SPAG16: variants seen among roughly 807,000 people sequenced by gnomAD.
The protein encoded by SPAG16 is sperm-associated antigen 16 protein.
A neutral mutation model predicts 80.4 loss-of-function variants in SPAG16; 86 were observed. That is an observed-to-expected ratio of 1.07 (90% CI 0.90 to 1.28). The LOEUF is 1.28. Ranked by LOEUF, SPAG16 falls within the 50% of genes most tolerant of loss-of-function variation. The probability of loss-of-function intolerance (pLI) is 0.00; values close to 1 mark genes in which losing one functional copy is unlikely to be tolerated. For missense variants in SPAG16, 870 were observed against 765.3 expected, an observed-to-expected ratio of 1.14 and a Z score of -1.61; for synonymous variants, 294 against 265.9, an observed-to-expected ratio of 1.11 and a Z score of -1.03.
chr2:214,026,574 A>G (rs1007225313), intron 13 of SPAG16, among the ~76,000 whole-genome samples: 2 of 151,536 alleles, frequency 1.3e-5, no homozygotes, highest in African/African-American at 4.8e-5. Context: ...TATAGGTTTA[A>G]TGAAATTCCA....
At chr2:213,768,896 G>A (rs2125545393) in intron 10 of SPAG16, among the ~76,000 whole-genome samples, 1 of 152,230 alleles carries the variant, frequency 6.6e-6, no homozygotes, top group East Asian at 1.9e-4. Flanking sequence ...AAAGAGAAGG[G>A]GGTAAGTCAG....
chr2:214,390,715 G>A (rs1701028626), intron 15 of SPAG16, among the ~76,000 whole-genome samples: 1 of 152,110 alleles, frequency 6.6e-6, no homozygotes, highest in African/African-American at 2.4e-5. Flanking sequence ...TGTGGGTCAT[G>A]GTGCTAAAGT....
intron 15 of SPAG16, among the ~76,000 whole-genome samples, chr2:214,193,405 G>A (rs2057722758): frequency 7.9e-6 from 1 of 127,144 alleles, no homozygotes; most frequent in African/African-American, 2.6e-5. Flanking sequence ...ATGTGTGTGT[G>A]TGTGTGTGTG....
intron 15 of SPAG16, among the ~76,000 whole-genome samples, chr2:214,266,434 A>G (rs779274058): frequency 4.0e-5 from 6 of 151,874 alleles, no homozygotes; most frequent in Non-Finnish European, 8.8e-5. Flanking sequence ...GTGAACAGTC[A>G]ACAGAGCTCA....
chr2:214,076,366 A>G (rs764634625), intron 13 of SPAG16, among the ~76,000 whole-genome samples: 1 of 152,218 alleles, frequency 6.6e-6, no homozygotes, highest in Non-Finnish European at 1.5e-5. Flanking sequence ...ATTCATCCAG[A>G]AAGATCAGCA....
At chr2:214,069,703 T>G (rs182482924) in intron 13 of SPAG16, among the ~76,000 whole-genome samples, 116 of 150,964 alleles carry the variant, frequency 7.7e-4, no homozygotes, top group Middle Eastern at 3.4e-3. Context: ...TTCTGTCACC[T>G]TTTTTTTTGT....
At chr2:214,135,278 G>C (rs2054988430) in intron 14 of SPAG16, among the ~76,000 whole-genome samples, 1 of 152,146 alleles carries the variant, frequency 6.6e-6, no homozygotes, top group African/African-American at 2.4e-5. Flanking sequence ...GTAGAGTTCA[G>C]TAAATATTAG....
intron 9 of SPAG16, among the ~76,000 whole-genome samples, chr2:213,458,165 T>A (rs1181532563): frequency 1.3e-5 from 2 of 152,180 alleles, no homozygotes; most frequent in Non-Finnish European, 2.9e-5. Context: ...ACACAATTAA[T>A]TTTCTTTTAG....
chr2:214,355,207 A>T (rs1435969114), intron 15 of SPAG16, among the ~76,000 whole-genome samples: 1 of 148,858 alleles, frequency 6.7e-6, no homozygotes, highest in Non-Finnish European at 1.5e-5. Flanking sequence ...TGCACAGCAA[A>T]AGAAACTACC....
intron 10 of SPAG16, among the ~76,000 whole-genome samples, chr2:213,654,463 A>G (rs140547395): frequency 1.4e-5 from 2 of 147,810 alleles, no homozygotes; most frequent in African/African-American, 2.5e-5. Flanking sequence ...TTGGGAGGCC[A>G]GGGCGGGTGG....
intron 9 of SPAG16, among the ~76,000 whole-genome samples, chr2:213,378,938 T>G (rs1170962688): frequency 6.6e-6 from 1 of 152,234 alleles, no homozygotes; most frequent in Non-Finnish European, 1.5e-5. Flanking sequence ...ACCTCCATTG[T>G]GGAGTAGTAG....
At chr2:213,560,867 AC>A (rs2059579108) in intron 10 of SPAG16, among the ~76,000 whole-genome samples, 1 of 152,166 alleles carries the variant, frequency 6.6e-6, no homozygotes, top group African/African-American at 2.4e-5. Context: ...GCAACCATTA[AC>A]TTTTTTTGTG....
At chr2:213,730,079 G>T (rs369989507) in intron 10 of SPAG16, among the ~76,000 whole-genome samples, 15 of 152,194 alleles carry the variant, frequency 9.9e-5, no homozygotes, top group East Asian at 7.7e-4. Flanking sequence ...ATTACCTCAG[G>T]TCTCTCAGAA....
At chr2:213,756,183 A>G (rs1342127590) in intron 10 of SPAG16, among the ~76,000 whole-genome samples, 2 of 152,166 alleles carry the variant, frequency 1.3e-5, no homozygotes, top group Non-Finnish European at 2.9e-5. Flanking sequence ...TGTTAAAAAA[A>G]AGAAAAAAGT....
At chr2:214,257,957 T>C (rs148423156) in intron 15 of SPAG16, among the ~76,000 whole-genome samples, 1 of 152,144 alleles carries the variant, frequency 6.6e-6, no homozygotes, top group Non-Finnish European at 1.5e-5. Flanking sequence ...TATAGAAATA[T>C]TTTGATAACA....
Position 213,329,936 on chromosome 2 carries a change from G to C in SPAG16, c.537-10227G>C, listed in dbSNP as rs377156085. ...AAGGGGCCAAGGTACAGCTCAGGCTGTTGCTTCAGAGGATCGAAACCCAAA... is the reference window on the plus strand; with the variant it reads ...AAGGGGCCAAGGTACAGCTCAGGCTCTTGCTTCAGAGGATCGAAACCCAAA... On this transcript the variant is annotated intron_variant, in intron 5 of 15. Coordinates refer to ENST00000331683, the MANE Select transcript of SPAG16 (RefSeq NM_024532.5). 2.0e-3 allele frequency among the ~76,000 whole-genome samples: 301 copies of C among 152,342 alleles called. 2 individuals carry two copies. The highest frequency in any genetic ancestry group is 6.8e-3 in the African/African-American group (283 of 41,572).
At chr2:213,580,795 TTTTA>T (rs1348056446) in intron 10 of SPAG16, among the ~76,000 whole-genome samples, 1 of 152,144 alleles carries the variant, frequency 6.6e-6, no homozygotes, top group Non-Finnish European at 1.5e-5. Flanking sequence ...CCTTACAATT[TTTTA>T]TTTATCATTT....
At chr2:213,565,597 G>C (rs1325014144) in intron 10 of SPAG16, among the ~76,000 whole-genome samples, 1 of 152,210 alleles carries the variant, frequency 6.6e-6, no homozygotes, top group Non-Finnish European at 1.5e-5. Context: ...TTGAAAGGCT[G>C]GGTGGCTGAG....
intron 5 of SPAG16, among the ~76,000 whole-genome samples, chr2:213,336,508 G>C (rs940075901): frequency 2.0e-5 from 3 of 152,202 alleles, no homozygotes; most frequent in African/African-American, 7.2e-5. Flanking sequence ...AGGAGGGTTG[G>C]CCACCATCAC....
Sources: gnomAD v4.1 joint callset for allele counts (sites outside exome capture counted in the v4.1 genomes callset) on GRCh38, gnomAD v4.1.1 for gene constraint, MANE v1.5 for transcripts, NCBI Gene and HGNC (gene_info 2026-07-23, HGNC 2026-07-21) for gene names.